The following KCNAB2 variants were observed in gnomAD, a reference collection of about 807,000 sequenced individuals.
KCNAB2 encodes the protein potassium voltage-gated channel subfamily A regulatory beta subunit 2, also known as voltage-gated potassium channel subunit beta-2.
KCNAB2 carries 29 observed loss-of-function variants against 63.6 expected under a neutral mutation model. That is an observed-to-expected ratio of 0.46 (90% CI 0.34 to 0.62). The LOEUF (loss-of-function observed/expected upper bound fraction) is 0.62. KCNAB2 is among the 20% of genes least tolerant of loss of function. The pLI is 0.01. For missense variants in KCNAB2, 359 were observed against 563.9 expected (o/e 0.64, Z 3.68); for synonymous variants, 222 against 224.2 (o/e 0.99, Z 0.09).
At chr1:6,050,014 T>C (rs531365422) in intron 1 of KCNAB2, among the ~76,000 whole-genome samples, 6 of 152,300 alleles carry the variant, frequency 3.9e-5, no homozygotes, top group Non-Finnish European at 5.9e-5. Flanking sequence ...TCCTGCCCCT[T>C]GTGGGTCTTT....
At chr1:6,023,499 C>T (rs34818668) in intron 1 of KCNAB2, among the ~76,000 whole-genome samples, 16,299 of 152,192 alleles carry the variant, frequency 0.11, 1,172 homozygotes, top group Non-Finnish European at 0.16. Context: ...CTAATGGCTG[C>T]GAGGTAGTAT....
At chr1:6,095,760 C>A in intron 13 of KCNAB2, 136 bp downstream of exon 13, 2 of 799,368 alleles carry the variant, frequency 2.5e-6, no homozygotes, top group Non-Finnish European at 4.1e-6. Context: ...CTGCTGGGGG[C>A]GGGCTCCTTG....
Position 6,073,686 on chromosome 1 carries a change from T to C in KCNAB2, c.263-47T>C. The C allele has an allele frequency of 6.2e-7, 1 of 1,601,020 alleles. No individual in the cohort carries two copies. Among genetic ancestry groups the C allele is most frequent in the Non-Finnish European group, 8.6e-7 (1 of 1,168,112 alleles). On this transcript the variant is annotated intron_variant, in intron 3 of 15. Coordinates refer to ENST00000378083, the MANE Select transcript of KCNAB2 (RefSeq NM_001199862.2). The surrounding 1 kb of genome is among the most constrained non-coding windows in gnomAD (Gnocchi z 5.7). ...AGGTCTGAGCACCGACGGGATAATC[T>C]GGCTTCCTGCCAGGTTCCTAACTTG...
rs201298320 is a variant in KCNAB2 at position 6,094,368 on chromosome 1, C to G, written c.647-32C>G. On this transcript the variant is annotated intron_variant, in intron 10 of 15. Transcript: ENST00000378083. ...GGCTGGCCCTGAGCCCTGGCTGCCC[C>G]CCACCTGCGGTTTCCCTTTCTCTCA... 72 of 1,574,020 alleles carry G rather than the reference C, an allele frequency of 4.6e-5. No individual in the cohort carries two copies. In the East Asian group the frequency reaches 1.5e-3, roughly 34 times the overall value.
At chr1:6,016,804 C>A (rs1262386435) in intron 1 of KCNAB2, among the ~76,000 whole-genome samples, 1 of 152,224 alleles carries the variant, frequency 6.6e-6, no homozygotes, top group Non-Finnish European at 1.5e-5. Context: ...CCTGCTGCAT[C>A]TGATCCTCTC....
chr1:6,037,938 G>A (rs1005982560), intron 1 of KCNAB2, among the ~76,000 whole-genome samples: 7 of 146,486 alleles, frequency 4.8e-5, no homozygotes, highest in South Asian at 2.2e-4. Context: ...GCAGTGGCGC[G>A]AACTCGGCTC....
Position 6,016,394 on chromosome 1 carries a change from A to G in KCNAB2, c.-53+23606A>G, listed in dbSNP as rs148384889. ...TCTTCCCCAGCTTCCATGAGTCACA[A>G]TGGAGCTATTTAAACCTGGGGCTGT... On this transcript the variant is annotated intron_variant, in intron 1 of 16. Transcript: ENST00000341524. Among the ~76,000 whole-genome samples, 799 of 152,264 alleles carry G rather than the reference A, an allele frequency of 5.2e-3. 6 individuals are homozygous for G. The highest frequency in any genetic ancestry group is 0.017 in the African/African-American group (721 of 41,548).
intron 4 of KCNAB2, among the ~76,000 whole-genome samples, chr1:6,079,499 A>G (rs1664011465): frequency 2.6e-5 from 4 of 151,444 alleles, no homozygotes; most frequent in Admixed American, 2.6e-4. Context: ...CGCCTGGGCA[A>G]CAGAATGAGA....
chr1:6,066,218 G>A (rs1662739427), intron 2 of KCNAB2, among the ~76,000 whole-genome samples: 1 of 152,244 alleles, frequency 6.6e-6, no homozygotes, highest in Non-Finnish European at 1.5e-5. Flanking sequence ...ACAGCTGTCG[G>A]TGCAGAGCCT....
chr1:6,079,802 C>T (rs1364928187), intron 4 of KCNAB2, among the ~76,000 whole-genome samples: 1 of 152,140 alleles, frequency 6.6e-6, no homozygotes, highest in African/African-American at 2.4e-5. Context: ...GATGGTTACA[C>T]AACTATGCGA....
chr1:6,004,147 C>T (rs918543079), intron 1 of KCNAB2, among the ~76,000 whole-genome samples: 1 of 152,078 alleles, frequency 6.6e-6, no homozygotes, highest in Admixed American at 6.6e-5. Context: ...CCACCAGGGT[C>T]CAGACCCCTA....
chr1:6,033,262 T>C (rs376308682), upstream of KCNAB2, among the ~76,000 whole-genome samples: 25 of 151,038 alleles, frequency 1.7e-4, no homozygotes, highest in Middle Eastern at 3.4e-3. Flanking sequence ...TGTGTGTGTG[T>C]GCCTGTGTGC....
Position 6,003,051 on chromosome 1 carries a change from C to G in KCNAB2, c.-53+10263C>G, listed in dbSNP as rs973020991. 1.3e-5 allele frequency among the ~76,000 whole-genome samples: 2 copies of G among 152,228 alleles called. No individual in the cohort carries two copies. The highest frequency in any genetic ancestry group is 2.9e-5 in the Non-Finnish European group (2 of 68,024). ...CAGCTACCAGAGGACAGAGCTAGAA[C>G]ATGACCGCAGCAGACGCCTGATCCT... On this transcript the variant is annotated intron_variant, in intron 1 of 16. Coordinates refer to the KCNAB2 transcript ENST00000341524. This position sits in a 1 kb window ranked among gnomAD's most constrained non-coding sequence, Gnocchi z 4.1.
intron 2 of KCNAB2, among the ~76,000 whole-genome samples, chr1:6,053,130 A>T (rs570879439): frequency 1.3e-5 from 2 of 152,056 alleles, no homozygotes; most frequent in Non-Finnish European, 2.9e-5. Context: ...CAGGCTTTGT[A>T]TCCTAAATCC....
chr1:6,088,399 T>C (rs1248845286), intron 7 of KCNAB2, among the ~76,000 whole-genome samples: 1 of 151,912 alleles, frequency 6.6e-6, no homozygotes, highest in Non-Finnish European at 1.5e-5. Flanking sequence ...AATTTTTTTA[T>C]TTTTATTTAT....
chr1:6,000,290 T>G (rs1349325060), intron 1 of KCNAB2, among the ~76,000 whole-genome samples: 1 of 152,208 alleles, frequency 6.6e-6, no homozygotes, highest in Non-Finnish European at 1.5e-5. Flanking sequence ...AGCCATGTTG[T>G]CCCTTTGCTC....
intron 4 of KCNAB2, among the ~76,000 whole-genome samples, chr1:6,081,460 C>T (rs1284225372): frequency 6.6e-6 from 1 of 152,252 alleles, no homozygotes; most frequent in Admixed American, 6.5e-5. Context: ...CACAGAGCCC[C>T]TGCTGGGGAC....
At chr1:6,037,992 A>G (rs1046675603) in intron 1 of KCNAB2, among the ~76,000 whole-genome samples, 2 of 145,658 alleles carry the variant, frequency 1.4e-5, no homozygotes, top group African/African-American at 2.6e-5. Flanking sequence ...CTCCTGCCTC[A>G]CCCTCCCAAG....
intron 10 of KCNAB2, 109 bp from the exon 11 acceptor site, chr1:6,094,291 C>A (rs1469301847): frequency 5.1e-6 from 4 of 777,126 alleles, no homozygotes; most frequent in Admixed American, 4.3e-5. Context: ...GACATCTTCG[C>A]AGCCCCTGTC....
Sources: gnomAD v4.1 joint callset for allele counts (sites outside exome capture counted in the v4.1 genomes callset) on GRCh38, gnomAD v4.1.1 for gene constraint, Gnocchi (gnomAD v3.1) non-coding constraint, MANE v1.5 for transcripts, NCBI Gene and HGNC (gene_info 2026-07-23, HGNC 2026-07-21) for gene names.